The following ZFTRAF1 variants were observed in gnomAD, a reference collection of about 807,000 sequenced individuals.
ZFTRAF1 encodes zinc finger TRAF-type-containing protein 1.
the ZFTRAF1 span, chr8:144,456,345 TACACCAAGGCCAGGCC>T: frequency 6.6e-6 from 1 of 152,550 alleles, no homozygotes; most frequent in East Asian, 1.9e-4. Flanking sequence ...ACTCTGGCTC[TACACCAAGGCCAGGCC>T]ACAGGCAGCT....
At chr8:144,461,339 G>C in the ZFTRAF1 span, among the ~76,000 whole-genome samples, 1 of 152,212 alleles carries the variant, frequency 6.6e-6, no homozygotes, top group Non-Finnish European at 1.5e-5. Context: ...GGACTGGGGA[G>C]TTGAAAGAGA....
the ZFTRAF1 span, among the ~76,000 whole-genome samples, chr8:144,460,479 G>A: frequency 6.6e-5 from 10 of 152,366 alleles, no homozygotes; most frequent in African/African-American, 1.4e-4. Flanking sequence ...TCACCACCAG[G>A]TCCAGCTACA....
At chr8:144,461,743 G>A in the ZFTRAF1 span, among the ~76,000 whole-genome samples, 1 of 152,170 alleles carries the variant, frequency 6.6e-6, no homozygotes, top group African/African-American at 2.4e-5. Context: ...AACTGGAAAT[G>A]GACCAAGAGA....
At chr8:144,454,778 AC>A in the ZFTRAF1 span, 1 of 152,330 alleles carries the variant, frequency 6.6e-6, no homozygotes, top group Non-Finnish European at 1.5e-5. Context: ...AGCCCTGCAC[AC>A]GTGGGGCCCT....
chr8:144,449,677 G>GT, the ZFTRAF1 span: 6 of 152,332 alleles, frequency 3.9e-5, no homozygotes, highest in African/African-American at 1.4e-4. Context: ...CTGAGCCCTG[G>GT]TGGCTGAGTC....
chr8:144,460,670 G>A, the ZFTRAF1 span, among the ~76,000 whole-genome samples: 1 of 152,232 alleles, frequency 6.6e-6, no homozygotes, highest in South Asian at 2.1e-4. Flanking sequence ...ATCACCCAAC[G>A]TCAGGAGTTC....
the ZFTRAF1 span, chr8:144,450,391 C>G: frequency 1.4e-6 from 1 of 715,458 alleles, no homozygotes; most frequent in Non-Finnish European, 2.6e-6. Context: ...ACTTCTGTAT[C>G]TGGAACAGGA....
the ZFTRAF1 span, among the ~76,000 whole-genome samples, chr8:144,458,767 G>T: frequency 1.3e-5 from 2 of 152,206 alleles, no homozygotes; most frequent in Admixed American, 6.5e-5. Context: ...GTCTCAAAGT[G>T]GGGGCGCTGC....
At chr8:144,453,170 C>T in the ZFTRAF1 span, 1 of 1,500,156 alleles carries the variant, frequency 6.7e-7, no homozygotes, top group South Asian at 1.2e-5. Flanking sequence ...AGGGTGGGCT[C>T]CCAGCAGTCC....
chr8:144,453,114 G>A, the ZFTRAF1 span: 1 of 1,004,782 alleles, frequency 1.0e-6, no homozygotes, highest in Non-Finnish European at 1.5e-6. Context: ...CCAAGGCCCA[G>A]ACAGCAGAGA....
the ZFTRAF1 span, chr8:144,450,072 G>T: frequency 2.5e-6 from 1 of 403,766 alleles, no homozygotes; most frequent in Non-Finnish European, 4.6e-6. Context: ...GGGCAGGGTC[G>T]CTGTGCCTCT....
the ZFTRAF1 span, among the ~76,000 whole-genome samples, chr8:144,459,456 G>A: frequency 6.6e-6 from 1 of 152,238 alleles, no homozygotes; most frequent in Non-Finnish European, 1.5e-5. Context: ...CGTGAGGCAG[G>A]ACTCGGCGGT....
chr8:144,452,586 A>T, the ZFTRAF1 span: 177 of 1,533,454 alleles, frequency 1.2e-4, no homozygotes, highest in Non-Finnish European at 1.4e-4. Flanking sequence ...GGAGGCAGGT[A>T]CATCACTCAC....
chr8:144,458,384 G>C, the ZFTRAF1 span, among the ~76,000 whole-genome samples: 1 of 152,240 alleles, frequency 6.6e-6, no homozygotes, highest in Non-Finnish European at 1.5e-5. Context: ...CTGTGTTTTA[G>C]ATACCTAAGC....
the ZFTRAF1 span, chr8:144,457,276 C>T: frequency 5.9e-5 from 9 of 152,084 alleles, no homozygotes; most frequent in African/African-American, 1.7e-4. Flanking sequence ...TGGGCTCAGA[C>T]GCCAGCCCAC....
At chr8:144,456,775 G>C in the ZFTRAF1 span, 1 of 151,512 alleles carries the variant, frequency 6.6e-6, no homozygotes, top group Non-Finnish European at 1.5e-5. Context: ...TGACATCACA[G>C]GGGGGACATC....
At chr8:144,462,364 G>C in the ZFTRAF1 span, 1 of 483,788 alleles carries the variant, frequency 2.1e-6, no homozygotes. Flanking sequence ...GTTTCCCGCT[G>C]CCGGCCGCCG....
At chr8:144,460,580 C>G in the ZFTRAF1 span, among the ~76,000 whole-genome samples, 1 of 152,222 alleles carries the variant, frequency 6.6e-6, no homozygotes, top group East Asian at 1.9e-4. Flanking sequence ...GAGTCTCCCT[C>G]GAGATCCAAG....
chr8:144,458,605 G>A, the ZFTRAF1 span, among the ~76,000 whole-genome samples: 2 of 152,184 alleles, frequency 1.3e-5, no homozygotes, highest in African/African-American at 4.8e-5. Context: ...TGCTTCCTGG[G>A]CTGTTATCAA....
Sources: gnomAD v4.1 joint callset for allele counts (sites outside exome capture counted in the v4.1 genomes callset) on GRCh38, gnomAD v4.1.1 for gene constraint, MANE v1.5 for transcripts, NCBI Gene and HGNC (gene_info 2026-07-23, HGNC 2026-07-21) for gene names.